AGTPBP1: variants seen among roughly 807,000 people sequenced by gnomAD.
AGTPBP1 encodes the protein ATP/GTP binding carboxypeptidase 1.
Under a neutral mutation model 143.9 loss-of-function variants are expected in AGTPBP1, and 70 were observed. That is an observed-to-expected ratio of 0.49 (90% confidence interval 0.40 to 0.59). AGTPBP1 has a LOEUF of 0.59. AGTPBP1 is among the 20% of genes least tolerant of loss of function. The pLI is 0.00. For synonymous variants in AGTPBP1, 463 were observed against 500.2 expected (o/e 0.93, Z 0.99); for missense variants, 1,229 against 1,464.5 (o/e 0.84, Z 2.62).
At chr9:85,753,203 G>A in the AGTPBP1 span, 170 of 1,455,066 alleles carry the variant, frequency 1.2e-4, 3 homozygotes, top group South Asian at 1.7e-3. Flanking sequence ...GTGACAGAGC[G>A]AGATCTTGTC....
chr9:85,795,193 A>T, the AGTPBP1 span, among the ~76,000 whole-genome samples: 1,271 of 152,286 alleles, frequency 8.3e-3, 20 homozygotes, highest in African/African-American at 0.029. Context: ...ACAGTAGGTC[A>T]TTTGGCATTT....
In AGTPBP1 at chr9:85,687,361, T is replaced by C. The variant is rs558577477; in HGVS notation, c.157+5328A>G. On this transcript the variant is annotated intron_variant, in intron 3 of 25. Transcript: ENST00000357081. ...TGTATAAGAGATCTGAACAACACTA[T>C]CAACTAACCTAATTGATACTTATAG... Among the ~76,000 whole-genome samples, 14 of 152,270 alleles carry C rather than the reference T, an allele frequency of 9.2e-5. 1 individual carries two copies. The South Asian group carries it at 1.5e-3, about 16-fold the overall frequency.
intron 25 of AGTPBP1, among the ~76,000 whole-genome samples, chr9:85,548,786 T>C (rs905048015): frequency 4.6e-5 from 7 of 151,666 alleles, no homozygotes; most frequent in Non-Finnish European, 8.8e-5. Context: ...GCAATTCTCC[T>C]GCCTCAGCCT....
At chr9:85,592,251 A>C (rs181893366) in intron 19 of AGTPBP1, among the ~76,000 whole-genome samples, 46 of 152,136 alleles carry the variant, frequency 3.0e-4, no homozygotes, top group African/African-American at 1.1e-3. Context: ...AAATCATGTC[A>C]AAGTTTCTTA....
intron 11 of AGTPBP1, among the ~76,000 whole-genome samples, chr9:85,652,448 G>A (rs1001723558): frequency 3.9e-5 from 6 of 152,090 alleles, no homozygotes; most frequent in African/African-American, 1.4e-4. Flanking sequence ...GGAAGCGGAC[G>A]CTGCAGTGAG....
At chr9:85,556,855 A>G (rs190644650) in intron 25 of AGTPBP1, among the ~76,000 whole-genome samples, 37 of 152,334 alleles carry the variant, frequency 2.4e-4, no homozygotes, top group Middle Eastern at 3.4e-3. Flanking sequence ...ATTCGCAGTG[A>G]TAGGGGAAAC....
chr9:85,671,977 C>T (rs946629313), intron 7 of AGTPBP1, among the ~76,000 whole-genome samples: 4 of 152,184 alleles, frequency 2.6e-5, no homozygotes, highest in African/African-American at 9.7e-5. Context: ...TATTCTTCCA[C>T]ATCTTTTCTA....
chr9:85,627,186 C>T (rs1274552574), intron 14 of AGTPBP1, among the ~76,000 whole-genome samples: 2 of 152,114 alleles, frequency 1.3e-5, no homozygotes, highest in Non-Finnish European at 2.9e-5. Flanking sequence ...ATTTGATAAA[C>T]ACTGGTCTAA....
At chr9:85,627,580 A>G (rs1209857816) in intron 14 of AGTPBP1, among the ~76,000 whole-genome samples, 1 of 152,132 alleles carries the variant, frequency 6.6e-6, no homozygotes, top group Non-Finnish European at 1.5e-5. Flanking sequence ...TCCCATGTAA[A>G]CACTTGAAAA....
chr9:85,623,912 C>A (rs1299497025), intron 14 of AGTPBP1, among the ~76,000 whole-genome samples: 1 of 152,142 alleles, frequency 6.6e-6, no homozygotes, highest in Non-Finnish European at 1.5e-5. Context: ...AGTCTAGGTA[C>A]TCTCAGGGAC....
At chr9:85,743,791 G>A (rs1824531800), upstream of AGTPBP1, among the ~76,000 whole-genome samples, 1 of 152,186 alleles carries the variant, frequency 6.6e-6, no homozygotes, top group Non-Finnish European at 1.5e-5. Flanking sequence ...CACTGGCACA[G>A]CCCTCTAGCA....
intron 17 of AGTPBP1, among the ~76,000 whole-genome samples, chr9:85,618,122 G>T (rs12341656): frequency 0.023 from 3,549 of 151,720 alleles, 120 homozygotes; most frequent in African/African-American, 0.075. Flanking sequence ...CACCTGTAGT[G>T]CTTGGGGGTC....
chr9:85,712,932 G>A (rs929163616), intron 1 of AGTPBP1, among the ~76,000 whole-genome samples: 10 of 152,120 alleles, frequency 6.6e-5, no homozygotes, highest in African/African-American at 2.2e-4. Flanking sequence ...TGTGATTAGT[G>A]CACTTACTGT....
intron 25 of AGTPBP1, among the ~76,000 whole-genome samples, chr9:85,561,863 T>A (rs1826753912): frequency 6.6e-6 from 1 of 150,806 alleles, no homozygotes. Context: ...GAAGGAGTCT[T>A]ACTCTGTCAC....
intron 14 of AGTPBP1, 40 bp downstream of exon 14, chr9:85,632,622 A>G (rs1339888346): frequency 1.3e-6 from 2 of 1,503,990 alleles, no homozygotes; most frequent in Non-Finnish European, 1.8e-6. Context: ...ATATCTTGAC[A>G]ATAGCCTTAT....
At position 85,655,165 on chromosome 9, in the gene AGTPBP1, C is replaced by A; in HGVS notation, c.1065G>T (p.Gln355His). 1 of 1,613,194 alleles carries A rather than the reference C, an allele frequency of 6.2e-7. No individual in the cohort carries two copies. The highest frequency in any genetic ancestry group is 1.1e-5 in the South Asian group (1 of 90,958). The part of the protein sequence containing the change: ...PVIPVTGPVA[Q>H]LYSLPPEVDD... Reference sequence around the variant, plus strand: ...TACCTTCAGGAGGTAAGCTGTAGAGCTGAGCCACAGGACCAGTCACAGGAA... The same window carrying A: ...TACCTTCAGGAGGTAAGCTGTAGAGATGAGCCACAGGACCAGTCACAGGAA... The change falls in exon 11 of 26, where the codon CAG becomes CAT. Residue 355 changes from glutamine to histidine, a missense_variant. Transcript: ENST00000357081.
the AGTPBP1 span, among the ~76,000 whole-genome samples, chr9:85,792,939 A>C: frequency 6.6e-6 from 1 of 152,216 alleles, no homozygotes; most frequent in African/African-American, 2.4e-5. Context: ...ACATCTTCTA[A>C]ACAAATTCTC....
At chr9:85,600,663 T>A (rs1462169186) in intron 17 of AGTPBP1, among the ~76,000 whole-genome samples, 2 of 151,904 alleles carry the variant, frequency 1.3e-5, no homozygotes, top group African/African-American at 4.8e-5. Flanking sequence ...GAGCCCTCCA[T>A]CCTCACAGGT....
chr9:85,716,283 T>C (rs555895896), intron 1 of AGTPBP1, among the ~76,000 whole-genome samples: 22 of 152,346 alleles, frequency 1.4e-4, no homozygotes, highest in Middle Eastern at 3.4e-3. Flanking sequence ...TACTTTGCTT[T>C]CTCCCAACCT....
Sources: allele counts gnomAD v4.1 joint callset (sites outside exome capture counted in the v4.1 genomes callset), GRCh38; gene constraint gnomAD v4.1.1; transcripts MANE v1.5; gene names NCBI Gene and HGNC (gene_info 2026-07-23, HGNC 2026-07-21).